Variants in PRTFDC1 observed in about 807,000 individuals in gnomAD.
PRTFDC1 encodes the protein phosphoribosyltransferase domain-containing protein 1.
A neutral mutation model predicts 34.6 loss-of-function variants in PRTFDC1; 38 were observed. The ratio of observed to expected loss-of-function variants is 1.10; its 90% CI spans 0.85 to 1.44. PRTFDC1 has a LOEUF of 1.44. Ranked by LOEUF, PRTFDC1 falls within the 40% of genes most tolerant of loss-of-function variation. The probability of loss-of-function intolerance (pLI) is 0.00; values close to 1 mark genes in which losing one functional copy is unlikely to be tolerated. For synonymous variants in PRTFDC1, 93 were observed against 98.1 expected, an observed-to-expected ratio of 0.95 and a Z score of 0.31; for missense variants, 270 against 283.0, an observed-to-expected ratio of 0.95 and a Z score of 0.33.
intron 1 of PRTFDC1, among the ~76,000 whole-genome samples, chr10:24,949,386 T>C (rs1433812592): frequency 2.6e-5 from 4 of 152,134 alleles, no homozygotes; most frequent in African/African-American, 9.7e-5. Context: ...CCCAGCCACC[T>C]GCCCCTTTTT....
At position 24,879,264 on chromosome 10, in the gene PRTFDC1, T is replaced by C. The variant is rs576126111; in HGVS notation, c.340-7201A>G. Among the ~76,000 whole-genome samples, 6 of 152,304 alleles carry C rather than the reference T, an allele frequency of 3.9e-5. No individual in the cohort carries two copies. In the South Asian group the frequency reaches 1.0e-3, roughly 26 times the overall value. Reference sequence around the variant, plus strand: ...TGCATGGAGCCAAAGTGGAAGTTGATGCAGAGCCAGGGTCAGTGAAGCTCT... The same window carrying C: ...TGCATGGAGCCAAAGTGGAAGTTGACGCAGAGCCAGGGTCAGTGAAGCTCT... On this transcript the variant is annotated intron_variant, in intron 3 of 8. Transcript: ENST00000320152.
At chr10:24,907,068 C>A (rs868070573) in intron 3 of PRTFDC1, among the ~76,000 whole-genome samples, 1 of 151,958 alleles carries the variant, frequency 6.6e-6, no homozygotes, top group Non-Finnish European at 1.5e-5. Flanking sequence ...AAAATGGGGC[C>A]AGGTGCGGTG....
At chr10:24,950,472 G>A (rs1849322683) in intron 1 of PRTFDC1, among the ~76,000 whole-genome samples, 1 of 152,116 alleles carries the variant, frequency 6.6e-6, no homozygotes, top group South Asian at 2.1e-4. Flanking sequence ...TTGGATTAGG[G>A]ATGCTCAACT....
At chr10:24,945,934 T>C (rs903994524) in intron 1 of PRTFDC1, among the ~76,000 whole-genome samples, 2 of 152,072 alleles carry the variant, frequency 1.3e-5, no homozygotes, top group Admixed American at 1.3e-4. Context: ...CAGCTGTACA[T>C]GAGGAGATTC....
chr10:24,855,459 A>T, intron 6 of PRTFDC1, 95 bp from the exon 7 acceptor site: 1 of 1,470,756 alleles, frequency 6.8e-7, no homozygotes, highest in Non-Finnish European at 9.5e-7. Flanking sequence ...CTTGAAATAC[A>T]TATTTTGCTA....
intron 3 of PRTFDC1, among the ~76,000 whole-genome samples, chr10:24,924,573 C>G (rs1848841752): frequency 6.6e-6 from 1 of 152,184 alleles, no homozygotes; most frequent in South Asian, 2.1e-4. Flanking sequence ...ATCTACCCAT[C>G]TGACAAAGGG....
intron 3 of PRTFDC1, chr10:24,908,279 A>G (rs1848567445): frequency 1.6e-5 from 9 of 552,034 alleles, no homozygotes. Context: ...TTTACGGAAT[A>G]AAGAACTAGA....
intron 3 of PRTFDC1, among the ~76,000 whole-genome samples, chr10:24,883,360 C>T (rs1215083867): frequency 6.6e-6 from 1 of 151,962 alleles, no homozygotes; most frequent in East Asian, 1.9e-4. Context: ...CTAATCCCCA[C>T]TGCACAGAGA....
At chr10:24,860,055 G>A (rs1006882141) in intron 4 of PRTFDC1, among the ~76,000 whole-genome samples, 10 of 152,114 alleles carry the variant, frequency 6.6e-5, no homozygotes, top group Admixed American at 6.5e-4. Flanking sequence ...TTCAGATGAT[G>A]TTTCATTTAT....
intron 3 of PRTFDC1, among the ~76,000 whole-genome samples, chr10:24,920,988 C>A (rs932226770): frequency 5.3e-5 from 8 of 152,084 alleles, no homozygotes; most frequent in Non-Finnish European, 2.9e-5. Flanking sequence ...AATTGACCTA[C>A]ACTGAAAGTA....
rs146174646 is a variant in PRTFDC1, at chr10:24,849,854, T to C, written c.668A>G (p.Tyr223Cys). ...CVINEHGKEK[Y>C]RV ...TGAGAATTCATGTCTTTAGACTCGA[T>C]ATTTTTCTTTACCGTGCTCATTGAT... is the stretch of plus-strand genomic sequence containing the variant. Residue 223 changes from tyrosine to cysteine, a missense_variant, in exon 9 of 9, where the codon TAT (tyrosine) becomes TGT (cysteine). By Grantham distance (194) the Tyr-to-Cys change is radical (BLOSUM62 -2). Transcript: ENST00000320152. The C allele has an allele frequency of 1.2e-4, 193 of 1,613,888 alleles. No individual in the cohort carries two copies. Among genetic ancestry groups the C allele is most frequent in the Non-Finnish European group, 1.5e-4 (177 of 1,179,884 alleles).
At chr10:24,933,502 C>A (rs530718656) in intron 3 of PRTFDC1, among the ~76,000 whole-genome samples, 18 of 152,018 alleles carry the variant, frequency 1.2e-4, no homozygotes, top group Non-Finnish European at 1.9e-4. Flanking sequence ...ATGTTCAAAT[C>A]ATCATTTATT....
intron 1 of PRTFDC1, among the ~76,000 whole-genome samples, chr10:24,944,878 C>A (rs982672692): frequency 2.0e-5 from 3 of 152,122 alleles, no homozygotes; most frequent in Non-Finnish European, 4.4e-5. Context: ...CAAGTAAAGA[C>A]CAGAGTCCTC....
intron 3 of PRTFDC1, among the ~76,000 whole-genome samples, chr10:24,931,997 CACCAAT>C (rs1848980696): frequency 6.6e-6 from 1 of 151,264 alleles, no homozygotes; most frequent in Non-Finnish European, 1.5e-5. Flanking sequence ...AAGTTGAATC[CACCAAT>C]ACATGAAAAG....
intron 2 of PRTFDC1, 126 bp downstream of exon 2, chr10:24,942,204 A>G (rs1849170710): frequency 2.9e-6 from 2 of 696,252 alleles, no homozygotes; most frequent in Non-Finnish European, 5.0e-6. Flanking sequence ...ACTGCCCTAT[A>G]TAAAAGTTCT....
At chr10:24,857,722 A>G (rs1298185799) in intron 5 of PRTFDC1, among the ~76,000 whole-genome samples, 1 of 152,202 alleles carries the variant, frequency 6.6e-6, no homozygotes. Flanking sequence ...CATGGCGCAC[A>G]CAGGCAATTG....
chr10:24,879,699 A>G (rs1164540538), intron 3 of PRTFDC1, among the ~76,000 whole-genome samples: 1 of 152,172 alleles, frequency 6.6e-6, no homozygotes, highest in African/African-American at 2.4e-5. Flanking sequence ...TCTGCTACCA[A>G]AAAACCCAAA....
At chr10:24,924,421 C>T (rs1415068929) in intron 3 of PRTFDC1, among the ~76,000 whole-genome samples, 1 of 152,140 alleles carries the variant, frequency 6.6e-6, no homozygotes, top group Non-Finnish European at 1.5e-5. Flanking sequence ...GGGTTACCCA[C>T]AAAGGGAAGC....
chr10:24,849,664 T>G lies in PRTFDC1; in HGVS notation c.*180A>C. ...AATAAAAGCACTGCTTTCTTTTCCT[T>G]AGGAACCTTTGATACTCTTTATATT... is the stretch of plus-strand genomic sequence containing the variant. On this transcript the variant is annotated 3_prime_UTR_variant, in exon 9 of 9. Transcript: ENST00000320152. 1 of 564,048 alleles carries G rather than the reference T, an allele frequency of 1.8e-6. No individual in the cohort carries two copies. Among genetic ancestry groups the G allele is most frequent in the Non-Finnish European group, 3.2e-6 (1 of 317,048 alleles). The allele number at this position is 564,048 out of a possible 1,614,324, so 34.9% of individuals were successfully genotyped here.
Sources: allele counts gnomAD v4.1 joint callset (sites outside exome capture counted in the v4.1 genomes callset), GRCh38; gene constraint gnomAD v4.1.1; transcripts MANE v1.5; gene names NCBI Gene and HGNC (gene_info 2026-07-23, HGNC 2026-07-21).